CELSR1: variants seen among roughly 807,000 people sequenced by gnomAD.
CELSR1 encodes cadherin EGF LAG seven-pass G-type receptor 1, also known as adhesion G protein-coupled receptor C1.
CELSR1 carries 110 observed loss-of-function variants against 249.1 expected under a neutral mutation model. The ratio of observed to expected loss-of-function variants is 0.44; its 90% CI spans 0.38 to 0.52. CELSR1 has a LOEUF of 0.52. Among genes scored for constraint, CELSR1 ranks in the 20% least tolerant of loss-of-function variants. The pLI is 0.00. For synonymous variants in CELSR1, 2,113 were observed against 1,900.0 expected, an observed-to-expected ratio of 1.11 and a Z score of -2.92; for missense variants, 4,109 against 4,296.4, an observed-to-expected ratio of 0.96 and a Z score of 1.22.
intron 5 of CELSR1, among the ~76,000 whole-genome samples, chr22:46,425,450 T>G (rs2079526069): frequency 6.6e-6 from 1 of 152,248 alleles, no homozygotes; most frequent in African/African-American, 2.4e-5. Context: ...CTACAAATTC[T>G]ATTTCCTCAA....
intron 19 of CELSR1, 39 bp from the exon 20 acceptor site, chr22:46,384,725 G>A (rs752388437): frequency 1.3e-6 from 2 of 1,577,842 alleles, no homozygotes; most frequent in South Asian, 1.2e-5. Context: ...TAACTCCCAG[G>A]GCTTTCTTGA....
At chr22:46,367,528 G>A (rs974449228) in intron 28 of CELSR1, among the ~76,000 whole-genome samples, 9 of 152,198 alleles carry the variant, frequency 5.9e-5, no homozygotes, top group African/African-American at 1.9e-4. Context: ...TAGGGTCATC[G>A]TCCCCAGACA....
chr22:46,466,556 C>G (rs1400028685), intron 1 of CELSR1, among the ~76,000 whole-genome samples: 1 of 152,224 alleles, frequency 6.6e-6, no homozygotes, highest in Non-Finnish European at 1.5e-5. Context: ...AGGACCCGGA[C>G]ACCACAGAGC....
Position 46,364,723 on chromosome 22 carries a change from G to A in CELSR1, c.8568C>T (p.Ala2856=). ...VHSTPKGDAV[A]NHVPAGWPDQ... Reference sequence around the variant, plus strand: ...CGGGCCAGCCGGCCGGAACGTGGTTGGCCACAGCGTCCCCTGAGGCACGAG... The same window carrying A: ...CGGGCCAGCCGGCCGGAACGTGGTTAGCCACAGCGTCCCCTGAGGCACGAG... Residue 2856 remains alanine, a synonymous_variant, in exon 33 of 35, where the codon GCC becomes GCT. Transcript: ENST00000674500. 6.2e-7 allele frequency: 1 copy of A among 1,612,046 alleles called. No homozygotes were observed. The highest frequency in any genetic ancestry group is 1.1e-5 in the South Asian group (1 of 91,028).
Position 46,366,408 on chromosome 22 carries a change from C to A in CELSR1, c.8278G>T (p.Ala2760Ser). Reference protein sequence around the residue: ...MLRTDLGESTASLDSIVRDEG... With the variant: ...MLRTDLGESTSSLDSIVRDEG... ...GACCTGACGATGCTGTCCAGCGAGG[C>A]GGTGGACTCGCCCAAGTCTGTGCGC... The change falls in exon 30 of 35, where the codon GCC becomes TCC. Residue 2760 changes from alanine to serine, a missense_variant. Around this residue, in one of 7 missense-constraint regions of CELSR1, gnomAD observed 1,805 missense variants for 1,831.6 expected, o/e 0.99. Coordinates refer to ENST00000674500, the MANE Select transcript of CELSR1 (RefSeq NM_001378328.1). 1.3e-6 allele frequency: 2 copies of A among 1,549,678 alleles called. No homozygotes were observed. Among genetic ancestry groups the A allele is most frequent in the Non-Finnish European group, 1.7e-6 (2 of 1,146,458 alleles).
In CELSR1 at chr22:46,433,136, C is replaced by T. The variant is rs2079615373; in HGVS notation, c.4611+257G>A. ...CTGCCTCCCAGGCTCAAGTGACTCTCCTGCCTCAGCCTCCTGAGTAGCTGG... is the reference window on the plus strand; with the variant it reads ...CTGCCTCCCAGGCTCAAGTGACTCTTCTGCCTCAGCCTCCTGAGTAGCTGG... On this transcript the variant is annotated intron_variant, in intron 5 of 34. Transcript: ENST00000674500. This position sits in a 1 kb window ranked among gnomAD's most constrained non-coding sequence, Gnocchi z 5.7. Among the ~76,000 whole-genome samples, 2 of 152,142 alleles carry T rather than the reference C, an allele frequency of 1.3e-5. No individual in the cohort carries two copies. Among genetic ancestry groups the T allele is most frequent in the African/African-American group, 4.8e-5 (2 of 41,420 alleles).
chr22:46,503,619 C>T (rs186741717), intron 1 of CELSR1, among the ~76,000 whole-genome samples: 5 of 152,374 alleles, frequency 3.3e-5, no homozygotes, highest in African/African-American at 7.2e-5. Context: ...TGCAACCCTA[C>T]GGGGTCAGTA....
At chr22:46,385,574 G>C (rs893583063) in intron 19 of CELSR1, among the ~76,000 whole-genome samples, 8 of 152,018 alleles carry the variant, frequency 5.3e-5, no homozygotes, top group Admixed American at 2.6e-4. Flanking sequence ...CATCTCCCTA[G>C]CCCGGGACCT....
chr22:46,516,219 A>C (rs2080626121), intron 1 of CELSR1, among the ~76,000 whole-genome samples: 1 of 152,224 alleles, frequency 6.6e-6, no homozygotes, highest in Non-Finnish European at 1.5e-5. Context: ...AATGTCCACC[A>C]ATGATAGACT....
rs983150858 is a variant in CELSR1, at chr22:46,527,536, C to T, written c.3544+6091G>A. Among the ~76,000 whole-genome samples, 24 of 152,214 alleles carry T rather than the reference C, an allele frequency of 1.6e-4. No homozygotes were observed. The highest frequency in any genetic ancestry group is 5.3e-4 in the African/African-American group (22 of 41,444). On this transcript the variant is annotated intron_variant, in intron 1 of 34. Coordinates refer to ENST00000674500, the MANE Select transcript of CELSR1 (RefSeq NM_001378328.1). The surrounding 1 kb of genome is among the most constrained non-coding windows in gnomAD (Gnocchi z 5.5). Reference sequence around the variant, plus strand: ...GTCACCACTCTACCCCTGAGCTCAGCCCCCTTGCTCATCGGATGGTCCATC... The same window carrying T: ...GTCACCACTCTACCCCTGAGCTCAGTCCCCTTGCTCATCGGATGGTCCATC...
chr22:46,364,844 CCTGGTAGGG>C, intron 32 of CELSR1, 108 bp from the exon 33 acceptor site: 1 of 1,111,306 alleles, frequency 9.0e-7, no homozygotes, highest in Non-Finnish European at 1.3e-6. Context: ...AACCTGCAGG[CCTGGTAGGG>C]CTGAACCCTA....
rs2079838410 is a variant in CELSR1, at chr22:46,447,896, A to T, written c.4184-8485T>A. ...TAGCCTCCCAAAGTGCTGGGATTAC[A>T]GGTGCGAGCCACCACACCCGGCCAG... On this transcript the variant is annotated intron_variant, in intron 2 of 34. Coordinates refer to ENST00000674500, the MANE Select transcript of CELSR1 (RefSeq NM_001378328.1). This position sits in a 1 kb window ranked among gnomAD's most constrained non-coding sequence, Gnocchi z 4.7. Among the ~76,000 whole-genome samples the T allele has an allele frequency of 2.0e-5, 3 of 152,204 alleles. No homozygotes were observed. Among genetic ancestry groups the T allele is most frequent in the Non-Finnish European group, 4.4e-5 (3 of 68,034 alleles).
Position 46,361,630 on chromosome 22 carries a change from C to T in CELSR1, c.*1593G>A, listed in dbSNP as rs1157210551. 1.3e-5 allele frequency: 2 copies of T among 152,254 alleles called. No individual in the cohort carries two copies. The highest frequency in any genetic ancestry group is 2.9e-5 in the Non-Finnish European group (2 of 68,048). The allele number at this position is 152,254 out of a possible 1,614,324, so 9.4% of individuals were successfully genotyped here. On this transcript the variant is annotated 3_prime_UTR_variant, in exon 35 of 35. Transcript: ENST00000674500. ...TGAGGACTCTGGGATCTCATTTCAT[C>T]CTCCTGTCCTGGACCATTTTCAGAT...
At position 46,390,607 on chromosome 22, in the gene CELSR1, A is replaced by G; in HGVS notation, c.6251-121T>C. On this transcript the variant is annotated intron_variant, in intron 16 of 34. Transcript: ENST00000674500. The surrounding 1 kb of genome is among the most constrained non-coding windows in gnomAD (Gnocchi z 6.3). ...AACACTGCGTGGTGGTTAGAACCCCATGGGGGCCAGGAGGTCGACACCAGC... is the reference window on the plus strand; with the variant it reads ...AACACTGCGTGGTGGTTAGAACCCCGTGGGGGCCAGGAGGTCGACACCAGC... 1 of 775,428 alleles carries G rather than the reference A, an allele frequency of 1.3e-6. No homozygotes were observed. The highest frequency in any genetic ancestry group is 2.1e-6 in the Non-Finnish European group (1 of 485,802). The allele number at this position is 775,428 out of a possible 1,614,324, so 48.0% of individuals were successfully genotyped here.
chr22:46,475,000 A>G (rs983884184), intron 1 of CELSR1, among the ~76,000 whole-genome samples: 1 of 152,170 alleles, frequency 6.6e-6, no homozygotes, highest in East Asian at 1.9e-4. Context: ...GGAGCGTGTT[A>G]AAAGCTCTGA....
At chr22:46,485,561 C>T (rs774337449) in intron 1 of CELSR1, among the ~76,000 whole-genome samples, 73 of 152,216 alleles carry the variant, frequency 4.8e-4, no homozygotes, top group African/African-American at 5.3e-4. Flanking sequence ...AAGTGAACGT[C>T]ACAAGTAAAG....
chr22:46,487,639 T>C (rs867084845), intron 1 of CELSR1, among the ~76,000 whole-genome samples: 45 of 352 alleles, frequency 0.13, no homozygotes, highest in East Asian at 0.5. Flanking sequence ...AGGTGGGGGG[T>C]GCGGGGGAGG....
chr22:46,475,692 C>T (rs921398703), intron 1 of CELSR1, among the ~76,000 whole-genome samples: 4 of 151,764 alleles, frequency 2.6e-5, no homozygotes, highest in Non-Finnish European at 2.9e-5. Context: ...AATGAAGCTA[C>T]GAAGATATCT....
chr22:46,427,827 G>A lies in CELSR1; in HGVS notation c.4611+5566C>T, dbSNP rs1332386682. 2.0e-5 allele frequency among the ~76,000 whole-genome samples: 3 copies of A among 152,152 alleles called. No homozygotes were observed. Among genetic ancestry groups the A allele is most frequent in the Admixed American group, 1.3e-4 (2 of 15,276 alleles). ...GGGGACCACACAACTGTCTAACCACGGCAGATCTGTAGAGCCCAGAAAGGG... is the reference window on the plus strand; with the variant it reads ...GGGGACCACACAACTGTCTAACCACAGCAGATCTGTAGAGCCCAGAAAGGG... On this transcript the variant is annotated intron_variant, in intron 5 of 34. Transcript: ENST00000674500. The surrounding 1 kb of genome is among the most constrained non-coding windows in gnomAD (Gnocchi z 4.2).
Sources: allele counts gnomAD v4.1 joint callset (sites outside exome capture counted in the v4.1 genomes callset), GRCh38; gene constraint gnomAD v4.1.1; regional missense constraint gnomAD v4.1.1; non-coding constraint Gnocchi (gnomAD v3.1); transcripts MANE v1.5; gene names NCBI Gene and HGNC (gene_info 2026-07-23, HGNC 2026-07-21).